The following PSD3 variants were observed in gnomAD, a reference collection of about 807,000 sequenced individuals.
PSD3 encodes the protein PH and SEC7 domain-containing protein 3.
PSD3 carries 49 observed loss-of-function variants against 105.5 expected under a neutral mutation model. The ratio of observed to expected loss-of-function variants is 0.46; its 90% confidence interval spans 0.37 to 0.59. The LOEUF is 0.59. PSD3 is among the 20% of genes least tolerant of loss of function. The pLI is 0.00. For missense variants in PSD3, 1,561 were observed against 1,263.8 expected (o/e 1.24, Z -3.57); for synonymous variants, 557 against 457.8 (o/e 1.22, Z -2.77).
chr8:18,725,458 A>T (rs531788281), intron 9 of PSD3, among the ~76,000 whole-genome samples: 3 of 152,268 alleles, frequency 2.0e-5, no homozygotes, highest in African/African-American at 7.2e-5. Context: ...GAAATCCATT[A>T]TACTTCCTTC....
At chr8:19,012,214 C>G (rs1826982604) in intron 1 of PSD3, among the ~76,000 whole-genome samples, 1 of 152,188 alleles carries the variant, frequency 6.6e-6, no homozygotes, top group South Asian at 2.1e-4. Context: ...TCTTACAAGA[C>G]AAATCACTTG....
In PSD3 at chr8:18,872,435, G is replaced by T. The variant is rs1817443686; in HGVS notation, c.429C>A (p.Ala143=). 6.2e-7 allele frequency: 1 copy of T among 1,614,160 alleles called. No individual in the cohort carries two copies. Among genetic ancestry groups the T allele is most frequent in the Non-Finnish European group, 8.5e-7 (1 of 1,180,040 alleles). The part of the protein sequence containing the change: ...SLISALKATE[A]RIISGTLQAT... ...CCTGTAATGTTCCGGAAATGATTCTGGCTTCTGTGGCTTTCAGAGCTGAAA... is the reference window on the plus strand; with the variant it reads ...CCTGTAATGTTCCGGAAATGATTCTTGCTTCTGTGGCTTTCAGAGCTGAAA... The change falls in exon 3 of 16, where the codon GCC becomes GCA. Residue 143 remains alanine (A), a synonymous_variant. Coordinates refer to ENST00000327040, the MANE Select transcript of PSD3 (RefSeq NM_015310.4).
chr8:19,066,648 G>C (rs1234991184), intron 1 of PSD3, among the ~76,000 whole-genome samples: 1 of 152,204 alleles, frequency 6.6e-6, no homozygotes, highest in Non-Finnish European at 1.5e-5. Flanking sequence ...TCTCCAACTA[G>C]TTGTGAGCCT....
At chr8:18,662,196 T>A (rs1232317615) in intron 9 of PSD3, among the ~76,000 whole-genome samples, 3 of 152,184 alleles carry the variant, frequency 2.0e-5, no homozygotes, top group African/African-American at 7.2e-5. Flanking sequence ...CTTCAAGCCC[T>A]TATCTTATTG....
chr8:18,759,096 T>A (rs73199966), intron 9 of PSD3, among the ~76,000 whole-genome samples: 27,180 of 137,944 alleles, frequency 0.2, 3,668 homozygotes, highest in African/African-American at 0.4. Flanking sequence ...ACACACACTC[T>A]CTCTCTCTCT....
chr8:18,701,419 C>A (rs1042156375), intron 9 of PSD3, among the ~76,000 whole-genome samples: 6 of 152,080 alleles, frequency 3.9e-5, no homozygotes, highest in African/African-American at 1.2e-4. Flanking sequence ...TATACAGTAA[C>A]CTATTTCAAC....
intron 15 of PSD3, among the ~76,000 whole-genome samples, chr8:18,549,188 T>G (rs1800620858): frequency 6.6e-6 from 1 of 150,742 alleles, no homozygotes; most frequent in Non-Finnish European, 1.5e-5. Flanking sequence ...TTTTTTTTTT[T>G]TTTTTTTTTT....
At chr8:18,632,276 C>A (rs1333190715) in intron 11 of PSD3, among the ~76,000 whole-genome samples, 1 of 152,046 alleles carries the variant, frequency 6.6e-6, no homozygotes, top group African/African-American at 2.4e-5. Flanking sequence ...TTCATGAAGA[C>A]AGAAACCTTG....
chr8:18,752,546 T>TTA (rs1554489467), intron 9 of PSD3, among the ~76,000 whole-genome samples: 25 of 17,750 alleles, frequency 1.4e-3, no homozygotes, highest in South Asian at 5.7e-3. Context: ...ATTATATATA[T>TTA]TATATATAAT....
chr8:18,696,286 A>G (rs1801256572), intron 9 of PSD3, among the ~76,000 whole-genome samples: 1 of 152,232 alleles, frequency 6.6e-6, no homozygotes, highest in African/African-American at 2.4e-5. Flanking sequence ...AGGGAATTTC[A>G]TACAGGCCGG....
At chr8:18,767,639 T>G (rs1310216110) in intron 8 of PSD3, among the ~76,000 whole-genome samples, 2 of 151,914 alleles carry the variant, frequency 1.3e-5, no homozygotes, top group African/African-American at 4.8e-5. Context: ...TCCAGCTACT[T>G]GGGAGGCTGA....
chr8:18,711,174 CTACAAAAACATACTGAAG>C (rs1469242656), intron 9 of PSD3, among the ~76,000 whole-genome samples: 1 of 152,134 alleles, frequency 6.6e-6, no homozygotes, highest in Non-Finnish European at 1.5e-5. Flanking sequence ...TTACCAGCCA[CTACAAAAACATACTGAAG>C]TACACAGACC....
intron 4 of PSD3, chr8:18,808,755 C>G: frequency 6.2e-7 from 1 of 1,613,976 alleles, no homozygotes; most frequent in African/African-American, 1.3e-5. Context: ...ATAAACTTAC[C>G]AGCAACCATA....
intron 4 of PSD3, among the ~76,000 whole-genome samples, chr8:18,816,220 G>A (rs955923130): frequency 2.0e-5 from 3 of 152,166 alleles, no homozygotes; most frequent in Non-Finnish European, 4.4e-5. Context: ...TGTTTACTCT[G>A]TTTAATACAC....
intron 4 of PSD3, chr8:18,849,488 C>T (rs1166575218): frequency 6.6e-6 from 1 of 152,188 alleles, no homozygotes; most frequent in Non-Finnish European, 1.5e-5. Flanking sequence ...CAATATTTTT[C>T]ATCTGCCTCT....
At chr8:18,783,369 T>C (rs1347065034) in intron 8 of PSD3, among the ~76,000 whole-genome samples, 1 of 152,196 alleles carries the variant, frequency 6.6e-6, no homozygotes, top group Non-Finnish European at 1.5e-5. Flanking sequence ...TCAGTCTAAT[T>C]CAACTTTTGT....
chr8:18,556,393 A>C (rs922281467), intron 14 of PSD3, 41 bp from the exon 15 acceptor site: 3 of 1,582,946 alleles, frequency 1.9e-6, no homozygotes, highest in Admixed American at 3.7e-5. Flanking sequence ...CAAAAAAAAA[A>C]CAAGTCAATA....
chr8:18,812,071 C>G (rs370722334), intron 4 of PSD3, among the ~76,000 whole-genome samples: 121 of 152,244 alleles, frequency 7.9e-4, no homozygotes, highest in Non-Finnish European at 1.1e-3. Context: ...TCGGATCAGA[C>G]TGAACACCGC....
chr8:18,907,334 C>T (rs915969979), intron 2 of PSD3, among the ~76,000 whole-genome samples: 5 of 151,960 alleles, frequency 3.3e-5, no homozygotes, highest in African/African-American at 1.2e-4. Flanking sequence ...TTCATTGTTT[C>T]ATTTTATTTA....
Sources: gnomAD v4.1 joint callset for allele counts (sites outside exome capture counted in the v4.1 genomes callset) on GRCh38, gnomAD v4.1.1 for gene constraint, MANE v1.5 for transcripts, NCBI Gene and HGNC (gene_info 2026-07-23, HGNC 2026-07-21) for gene names.